Variants in TAFA5 observed in about 807,000 individuals in gnomAD.
TAFA5 encodes TAFA chemokine like family member 5, also known as chemokine-like protein TAFA-5.
TAFA5 carries 6 observed loss-of-function variants against 15.3 expected under a neutral mutation model. The observed-to-expected ratio is 0.39, with a 90% CI of 0.21 to 0.77. TAFA5 has a LOEUF of 0.77. TAFA5 is among the 30% of genes least tolerant of loss of function. The pLI is 0.41. For synonymous variants in TAFA5, 103 were observed against 80.7 expected (o/e 1.28, Z -1.48); for missense variants, 161 against 193.1 (o/e 0.83, Z 0.98).
At chr22:48,553,917 C>T (rs769703380) in intron 1 of TAFA5, among the ~76,000 whole-genome samples, 19 of 152,346 alleles carry the variant, frequency 1.2e-4, no homozygotes, top group African/African-American at 4.1e-4. Context: ...TCTTGGCCTC[C>T]GTCCTGGCCA....
chr22:48,646,301 G>A lies in TAFA5; in HGVS notation c.113-296G>A, dbSNP rs945843442. Among the ~76,000 whole-genome samples the A allele has an allele frequency of 5.9e-5, 9 of 152,180 alleles. No homozygotes were observed. In the South Asian group the frequency reaches 8.3e-4, roughly 14 times the overall value. ...CTTGTGATCCGAACCTTTCATTTCC[G>A]GGCGTGATAAAGATGGGGCTGTGTT... On this transcript the variant is annotated intron_variant, in intron 1 of 3. Coordinates refer to ENST00000402357, the MANE Select transcript of TAFA5 (RefSeq NM_001082967.3).
chr22:48,710,884 G>A (rs1221666237), intron 3 of TAFA5, among the ~76,000 whole-genome samples: 1 of 152,190 alleles, frequency 6.6e-6, no homozygotes, highest in East Asian at 1.9e-4. Context: ...ACTGCGGCTG[G>A]GTGAGCTGGA....
At chr22:48,608,737 G>C (rs28378053) in intron 1 of TAFA5, among the ~76,000 whole-genome samples, 1 of 152,190 alleles carries the variant, frequency 6.6e-6, no homozygotes, top group African/African-American at 2.4e-5. Flanking sequence ...AGGAACTGCA[G>C]AGTGCCGTGG....
chr22:48,544,992 G>T, intron 1 of TAFA5: 1 of 420,586 alleles, frequency 2.4e-6, no homozygotes. Context: ...CCTCTCCTTT[G>T]CTGCGTGGTG....
At chr22:48,743,224 C>G (rs566598620) in intron 3 of TAFA5, among the ~76,000 whole-genome samples, 1 of 150,204 alleles carries the variant, frequency 6.7e-6, no homozygotes, top group Non-Finnish European at 1.5e-5. Context: ...TCTTCCGGTT[C>G]GGGGGTCCAG....
At chr22:48,643,125 G>T (rs1353498736) in intron 1 of TAFA5, among the ~76,000 whole-genome samples, 1 of 152,222 alleles carries the variant, frequency 6.6e-6, no homozygotes, top group Non-Finnish European at 1.5e-5. Context: ...TGAGCTGGGG[G>T]TCGCGACAGC....
chr22:48,500,217 A>G (rs1386082378), intron 1 of TAFA5, among the ~76,000 whole-genome samples: 2 of 152,182 alleles, frequency 1.3e-5, no homozygotes, highest in Admixed American at 6.5e-5. Context: ...TCCCAGCCTC[A>G]GACTCCAAGG....
chr22:48,553,883 G>A lies in TAFA5; in HGVS notation c.112+64179G>A, dbSNP rs11090855. On this transcript the variant is annotated intron_variant, in intron 1 of 3. Coordinates refer to ENST00000402357, the MANE Select transcript of TAFA5 (RefSeq NM_001082967.3). ...GTGGAGGCTGTTTGATGCTCATTAG[G>A]TGATCACCGTCCACCTGCCCAGCTC... Among the ~76,000 whole-genome samples, 216 of 152,298 alleles carry A rather than the reference G, an allele frequency of 1.4e-3. 5 individuals are homozygous for A. The East Asian group carries it at 0.038, about 27-fold the overall frequency.
chr22:48,500,563 G>A (rs1360071080), intron 1 of TAFA5, among the ~76,000 whole-genome samples: 1 of 152,254 alleles, frequency 6.6e-6, no homozygotes, highest in Non-Finnish European at 1.5e-5. Flanking sequence ...GGTGTGGAAG[G>A]CGCCGGGCCC....
chr22:48,718,262 C>A (rs974168117), intron 3 of TAFA5, among the ~76,000 whole-genome samples: 5 of 152,196 alleles, frequency 3.3e-5, no homozygotes, highest in African/African-American at 1.2e-4. Context: ...AGACACTGGG[C>A]CCCGCTGTGG....
At chr22:48,517,182 T>G (rs1175337117) in intron 1 of TAFA5, among the ~76,000 whole-genome samples, 1 of 152,026 alleles carries the variant, frequency 6.6e-6, no homozygotes, top group East Asian at 1.9e-4. Context: ...CAGAGGCCTT[T>G]CCAGACTGGG....
Position 48,562,346 on chromosome 22 carries a change from G to T in TAFA5, c.112+72642G>T, listed in dbSNP as rs146092125. ...GTAGAGACGGGGTTTCACCGCATTA[G>T]CCAGGATGGTCTCGATCTCCTGACC... On this transcript the variant is annotated intron_variant, in intron 1 of 3. Transcript: ENST00000402357. Among the ~76,000 whole-genome samples the T allele has an allele frequency of 4.0e-3, 615 of 152,264 alleles. 8 individuals carry two copies. The highest frequency in any genetic ancestry group is 0.014 in the African/African-American group (587 of 41,546).
At chr22:48,603,311 A>T (rs1419644410) in intron 1 of TAFA5, among the ~76,000 whole-genome samples, 1 of 152,214 alleles carries the variant, frequency 6.6e-6, no homozygotes, top group African/African-American at 2.4e-5. Context: ...CCACCCACTC[A>T]GCGATGAGTC....
intron 2 of TAFA5, among the ~76,000 whole-genome samples, chr22:48,668,667 C>G (rs1927700827): frequency 9.2e-6 from 1 of 108,652 alleles, no homozygotes; most frequent in African/African-American, 3.5e-5. Context: ...GCCGCGTCTT[C>G]ACCGGGAGCT....
intron 1 of TAFA5, among the ~76,000 whole-genome samples, chr22:48,534,768 G>A (rs940586085): frequency 1.3e-5 from 2 of 152,206 alleles, no homozygotes; most frequent in Non-Finnish European, 2.9e-5. Flanking sequence ...CACCGCGGGC[G>A]CACCTGCACT....
At chr22:48,549,192 T>G (rs1022573310) in intron 1 of TAFA5, among the ~76,000 whole-genome samples, 2 of 152,230 alleles carry the variant, frequency 1.3e-5, no homozygotes, top group Non-Finnish European at 2.9e-5. Context: ...CTGCCTTGAT[T>G]CTCTTTAGAC....
At chr22:48,748,481 C>T (rs1601715054) in intron 3 of TAFA5, among the ~76,000 whole-genome samples, 2 of 152,164 alleles carry the variant, frequency 1.3e-5, no homozygotes, top group Non-Finnish European at 2.9e-5. Context: ...GCAGAACGGC[C>T]GTGGTGGCAG....
chr22:48,725,960 A>G (rs1929703341), intron 3 of TAFA5, among the ~76,000 whole-genome samples: 2 of 152,182 alleles, frequency 1.3e-5, no homozygotes, highest in African/African-American at 4.8e-5. Context: ...CCCTGGATCT[A>G]GCCATTTTAT....
At chr22:48,644,193 C>T (rs772307452) in intron 1 of TAFA5, among the ~76,000 whole-genome samples, 1 of 152,182 alleles carries the variant, frequency 6.6e-6, no homozygotes, top group Non-Finnish European at 1.5e-5. Flanking sequence ...AGTGGAAGTC[C>T]AAGTTCCCGC....
Sources: gnomAD v4.1 joint callset for allele counts (sites outside exome capture counted in the v4.1 genomes callset) on GRCh38, gnomAD v4.1.1 for gene constraint, MANE v1.5 for transcripts, NCBI Gene and HGNC (gene_info 2026-07-23, HGNC 2026-07-21) for gene names.